Variants in FHIT observed in about 807,000 individuals in gnomAD.
FHIT encodes bis(5'-adenosyl)-triphosphatase.
A neutral mutation model predicts 17.9 loss-of-function variants in FHIT; 19 were observed. The observed-to-expected ratio is 1.06, with a 90% CI of 0.74 to 1.56. The LOEUF (loss-of-function observed/expected upper bound fraction) is 1.56, where lower values mean the gene tolerates loss of function less well. FHIT is among the 40% of genes most tolerant of loss of function. The pLI, the probability that FHIT is intolerant of heterozygous loss-of-function variation, is 0.00. For missense variants in FHIT, 248 were observed against 189.2 expected (o/e 1.31, Z -1.82); for synonymous variants, 81 against 69.7 (o/e 1.16, Z -0.81).
chr3:59,890,515 T>C (rs367871488), intron 8 of FHIT, among the ~76,000 whole-genome samples: 14 of 152,140 alleles, frequency 9.2e-5, no homozygotes, highest in African/African-American at 3.1e-4. Flanking sequence ...GTTGGGGAAG[T>C]TCTGAAGTTC....
At chr3:60,786,005 C>A (rs1012230451) in intron 4 of FHIT, among the ~76,000 whole-genome samples, 10 of 151,960 alleles carry the variant, frequency 6.6e-5, no homozygotes, top group Non-Finnish European at 1.3e-4. Flanking sequence ...AATCCAATGT[C>A]TGCATGTTTT....
At chr3:60,151,025 T>A (rs1186464653) in intron 5 of FHIT, among the ~76,000 whole-genome samples, 1 of 152,194 alleles carries the variant, frequency 6.6e-6, no homozygotes, top group East Asian at 1.9e-4. Context: ...TATGGCAATA[T>A]CACATTGTTT....
chr3:60,407,967 G>T lies in FHIT; in HGVS notation c.103+128893C>A, dbSNP rs563771152. On this transcript the variant is annotated intron_variant, in intron 5 of 9. Coordinates refer to ENST00000492590, the MANE Select transcript of FHIT (RefSeq NM_002012.4). ...GGAACCTGTTAAAGCCACTAACAGAGAAAGTCATATTTCAAGTATCAGTTG... is the reference window on the plus strand; with the variant it reads ...GGAACCTGTTAAAGCCACTAACAGATAAAGTCATATTTCAAGTATCAGTTG... Among the ~76,000 whole-genome samples, 17 of 152,284 alleles carry T rather than the reference G, an allele frequency of 1.1e-4. No individual in the cohort carries two copies. In the East Asian group the frequency reaches 3.3e-3, roughly 29 times the overall value.
chr3:60,018,753 G>C (rs887557859), intron 5 of FHIT, among the ~76,000 whole-genome samples: 4 of 152,112 alleles, frequency 2.6e-5, no homozygotes, highest in Non-Finnish European at 4.4e-5. Flanking sequence ...CAAAGCGCGC[G>C]AATCACCTGA....
intron 5 of FHIT, among the ~76,000 whole-genome samples, chr3:60,206,323 C>T (rs546037222): frequency 6.6e-6 from 1 of 152,086 alleles, no homozygotes; most frequent in South Asian, 2.1e-4. Flanking sequence ...AAACCATAGT[C>T]CAACACACCC....
chr3:61,072,740 T>G (rs1227365940), intron 2 of FHIT, among the ~76,000 whole-genome samples: 1 of 152,098 alleles, frequency 6.6e-6, no homozygotes, highest in Non-Finnish European at 1.5e-5. Context: ...TACTTTTATC[T>G]GAAAGGATCG....
chr3:60,821,742 T>G (rs1440622440), intron 4 of FHIT, among the ~76,000 whole-genome samples, 177 bp downstream of exon 4: 25 of 152,294 alleles, frequency 1.6e-4, no homozygotes, highest in African/African-American at 5.8e-4. Context: ...AAATGGCAGC[T>G]ACAAATAGAA....
chr3:60,918,209 G>T lies in FHIT; in HGVS notation c.-110-96198C>A, dbSNP rs539318829. The stretch of plus-strand genomic sequence containing the variant: ...ATGATTGTGAGGCTTCCCCAGCCAG[G>T]TGAAACTGTGAGTCCATTAAACCTC... On this transcript the variant is annotated intron_variant, in intron 3 of 9. Transcript: ENST00000492590. 8.5e-5 allele frequency among the ~76,000 whole-genome samples: 13 copies of T among 152,300 alleles called. No individual in the cohort carries two copies. The South Asian group carries it at 1.5e-3, about 17-fold the overall frequency.
chr3:59,979,471 G>A (rs1055246643), intron 7 of FHIT, among the ~76,000 whole-genome samples: 1 of 152,024 alleles, frequency 6.6e-6, no homozygotes, highest in East Asian at 1.9e-4. Flanking sequence ...GACAGACTTG[G>A]GAGAGGAAAG....
At chr3:60,390,179 A>G (rs527460819) in intron 5 of FHIT, among the ~76,000 whole-genome samples, 1 of 152,238 alleles carries the variant, frequency 6.6e-6, no homozygotes, top group East Asian at 1.9e-4. Flanking sequence ...TGTCAAATGA[A>G]AATAATTTGT....
intron 5 of FHIT, among the ~76,000 whole-genome samples, chr3:60,190,879 G>A (rs543853719): frequency 2.9e-4 from 44 of 152,124 alleles, no homozygotes; most frequent in Non-Finnish European, 4.4e-4. Context: ...GGAGGTGGAG[G>A]TTGCAGTGAG....
At chr3:60,730,974 A>T (rs2107986870) in intron 4 of FHIT, among the ~76,000 whole-genome samples, 1 of 150,554 alleles carries the variant, frequency 6.6e-6, no homozygotes, top group Admixed American at 6.6e-5. Flanking sequence ...AAAAAAAAAA[A>T]AAAAAAATTA....
intron 8 of FHIT, among the ~76,000 whole-genome samples, chr3:59,804,812 G>C (rs1700131721): frequency 6.6e-6 from 1 of 152,192 alleles, no homozygotes; most frequent in South Asian, 2.1e-4. Flanking sequence ...TCTGGGAACT[G>C]GCAAGTCAGG....
chr3:60,562,873 C>G (rs1346025144), intron 4 of FHIT, among the ~76,000 whole-genome samples: 1 of 152,130 alleles, frequency 6.6e-6, no homozygotes, highest in Admixed American at 6.5e-5. Flanking sequence ...TTTGAGGACC[C>G]AGGCATAGAC....
At chr3:60,009,287 T>C (rs1325547723) in intron 7 of FHIT, among the ~76,000 whole-genome samples, 2 of 151,002 alleles carry the variant, frequency 1.3e-5, no homozygotes, top group Non-Finnish European at 2.9e-5. Flanking sequence ...ATCCCCATTA[T>C]TTCATATCAG....
intron 4 of FHIT, among the ~76,000 whole-genome samples, chr3:60,715,327 C>T (rs2041654095): frequency 6.6e-6 from 1 of 151,654 alleles, no homozygotes; most frequent in Non-Finnish European, 1.5e-5. Flanking sequence ...AAAACCATAC[C>T]ATATGAGGCA....
intron 3 of FHIT, among the ~76,000 whole-genome samples, chr3:61,011,431 T>C (rs1375033404): frequency 6.6e-6 from 1 of 152,144 alleles, no homozygotes; most frequent in African/African-American, 2.4e-5. Context: ...ATCACCAATA[T>C]GAATATCAGT....
At chr3:60,225,522 C>T (rs1704156617) in intron 5 of FHIT, among the ~76,000 whole-genome samples, 1 of 152,098 alleles carries the variant, frequency 6.6e-6, no homozygotes, top group Non-Finnish European at 1.5e-5. Context: ...GTTGAGAGAA[C>T]CTCCCAGGAA....
intron 8 of FHIT, among the ~76,000 whole-genome samples, chr3:59,869,522 C>A (rs1043235476): frequency 1.8e-5 from 2 of 110,326 alleles, no homozygotes; most frequent in Admixed American, 1.9e-4. Context: ...CGCTCTGTCG[C>A]CCAGGCTGGA....
Sources: gnomAD v4.1 joint callset for allele counts (sites outside exome capture counted in the v4.1 genomes callset) on GRCh38, gnomAD v4.1.1 for gene constraint, MANE v1.5 for transcripts, NCBI Gene and HGNC (gene_info 2026-07-23, HGNC 2026-07-21) for gene names.